The following TTC7A variants were observed in gnomAD, a reference collection of about 807,000 sequenced individuals.
TTC7A encodes the protein tetratricopeptide repeat protein 7A.
TTC7A carries 110 observed loss-of-function variants against 103.7 expected under a neutral mutation model. That is an observed-to-expected ratio of 1.06 (90% CI 0.91 to 1.24). The LOEUF (loss-of-function observed/expected upper bound fraction) is 1.24, where lower values mean the gene tolerates loss of function less well. Ranked by LOEUF, TTC7A falls within the 50% of genes most tolerant of loss-of-function variation. The pLI, the probability that TTC7A is intolerant of heterozygous loss-of-function variation, is 0.00. For missense variants in TTC7A, 1,340 were observed against 1,116.3 expected, an observed-to-expected ratio of 1.20 and a Z score of -2.86; for synonymous variants, 521 against 467.9, an observed-to-expected ratio of 1.11 and a Z score of -1.47.
chr2:47,018,161 C>G (rs1291963754), intron 11 of TTC7A, among the ~76,000 whole-genome samples: 2 of 151,626 alleles, frequency 1.3e-5, no homozygotes, highest in African/African-American at 4.9e-5. Context: ...CTGGTAATCC[C>G]AGCTACTCAG....
intron 19 of TTC7A, 91 bp from the exon 20 acceptor site, chr2:47,073,611 C>T (rs562148078): frequency 1.8e-6 from 2 of 1,092,100 alleles, no homozygotes; most frequent in Non-Finnish European, 1.4e-6. Flanking sequence ...CTGATGGCTG[C>T]TGCCACCCGT....
intron 11 of TTC7A, among the ~76,000 whole-genome samples, chr2:47,017,331 A>G (rs902054880): frequency 4.0e-5 from 6 of 151,638 alleles, no homozygotes; most frequent in African/African-American, 1.5e-4. Flanking sequence ...CCTGGACCAC[A>G]TAGTGAGACC....
chr2:47,051,956 A>C, intron 18 of TTC7A, 76 bp downstream of exon 18: 3 of 1,510,522 alleles, frequency 2.0e-6, no homozygotes, highest in Non-Finnish European at 2.7e-6. Flanking sequence ...GTCCTGGAGA[A>C]GGGAGTGTGG....
chr2:47,009,678 T>A (rs1677815653), intron 10 of TTC7A, among the ~76,000 whole-genome samples: 1 of 152,028 alleles, frequency 6.6e-6, no homozygotes. Flanking sequence ...TCCGTTTCCT[T>A]CTGTACCTCC....
At chr2:46,953,673 T>C (rs985931950) in intron 2 of TTC7A, among the ~76,000 whole-genome samples, 2 of 152,178 alleles carry the variant, frequency 1.3e-5, no homozygotes, top group African/African-American at 2.4e-5. Flanking sequence ...CCAGCTCAGT[T>C]GTGTGGAGAT....
At chr2:46,985,684 C>A (rs1674943525) in intron 5 of TTC7A, among the ~76,000 whole-genome samples, 2 of 152,236 alleles carry the variant, frequency 1.3e-5, no homozygotes, top group South Asian at 4.1e-4. Flanking sequence ...GAAGCTGGGT[C>A]TGTCCAGCCC....
At chr2:46,965,230 T>C (rs1283533959) in intron 3 of TTC7A, among the ~76,000 whole-genome samples, 1 of 152,212 alleles carries the variant, frequency 6.6e-6, no homozygotes, top group Non-Finnish European at 1.5e-5. Flanking sequence ...TGTGGCTGAT[T>C]AAAACTTTTT....
chr2:46,954,823 G>A (rs571884240), intron 2 of TTC7A, among the ~76,000 whole-genome samples: 1 of 152,120 alleles, frequency 6.6e-6, no homozygotes, highest in Admixed American at 6.5e-5. Context: ...TGCCTGCCTC[G>A]ACCTCCCAAA....
chr2:46,946,046 T>G (rs552200627), intron 1 of TTC7A, among the ~76,000 whole-genome samples: 1 of 152,314 alleles, frequency 6.6e-6, no homozygotes, highest in African/African-American at 2.4e-5. Context: ...TTGAAGGGTA[T>G]TCCTGTGACC....
At chr2:46,922,744 G>A (rs914449678) in intron 2 of TTC7A, among the ~76,000 whole-genome samples, 2 of 151,990 alleles carry the variant, frequency 1.3e-5, no homozygotes, top group Non-Finnish European at 2.9e-5. Context: ...GAGGGGCGGG[G>A]GGCTCTTCCC....
chr2:46,978,853 CCTA>C lies in TTC7A; in HGVS notation c.713_715del (p.Tyr238del). The C allele has an allele frequency of 6.2e-7, 1 of 1,614,108 alleles. No individual in the cohort carries two copies. The highest frequency in any genetic ancestry group is 8.5e-7 in the Non-Finnish European group (1 of 1,180,002). The stretch of plus-strand genomic sequence containing the variant: ...TGTCACCCGCTTGACTATGAGCTCA[CCTA>C]CTTCCTGGAAGCTGCCCTCCAGAGC... On this transcript the variant is annotated inframe_deletion, in exon 5 of 20. Transcript: ENST00000319190.
intron 15 of TTC7A, among the ~76,000 whole-genome samples, chr2:47,043,056 G>T (rs766767260): frequency 1.3e-5 from 2 of 152,218 alleles, no homozygotes; most frequent in Non-Finnish European, 2.9e-5. Context: ...AGTCCTGACG[G>T]CATGCCAGGG....
Position 46,941,419 on chromosome 2 carries a change from C to T in TTC7A, c.-123C>T. ...CGCCGCCCGGGCCCCCGCTGCCGCC[C>T]GGGCCCCGGCTGCCGTCTGCGCCCC... is the stretch of plus-strand genomic sequence containing the variant. On this transcript the variant is annotated 5_prime_UTR_variant, in exon 1 of 20. Transcript: ENST00000319190. This position sits in a 1 kb window ranked among gnomAD's most constrained non-coding sequence, Gnocchi z 4.2. 2.9e-6 allele frequency: 3 copies of T among 1,017,646 alleles called. No individual in the cohort carries two copies. The highest frequency in any genetic ancestry group is 2.5e-6 in the Non-Finnish European group (2 of 800,168). 63.0% of individuals were successfully genotyped at this position (1,017,646 alleles called of 1,614,324 possible).
At chr2:46,997,125 C>T (rs998636675) in intron 8 of TTC7A, among the ~76,000 whole-genome samples, 6 of 152,044 alleles carry the variant, frequency 3.9e-5, no homozygotes, top group Non-Finnish European at 5.9e-5. Context: ...ATTACAGGTG[C>T]GCGCCACCAC....
chr2:47,042,503 T>TAA (rs11315139), intron 15 of TTC7A, among the ~76,000 whole-genome samples: 1 of 149,838 alleles, frequency 6.7e-6, no homozygotes, highest in Non-Finnish European at 1.5e-5. Flanking sequence ...CTTGTCTCTT[T>TAA]AAAAAAAAAA....
At position 47,024,309 on chromosome 2, in the gene TTC7A, G is replaced by A; in HGVS notation, c.1591G>A (p.Asp531Asn). Residue 531 changes from aspartate to asparagine, a missense_variant, in exon 14 of 20, where the codon GAC (aspartate) becomes AAC (asparagine). Transcript: ENST00000319190. Reference sequence around the variant, plus strand: ...CAGGGCTCAGCAGCTGGCGCCCAGTGACCCCCAGGTCATCCTCTATGTCTC... The same window carrying A: ...CAGGGCTCAGCAGCTGGCGCCCAGTAACCCCCAGGTCATCCTCTATGTCTC... ...LERAQQLAPS[D>N]PQVILYVSLQ... The A allele has an allele frequency of 6.2e-7, 1 of 1,607,664 alleles. No individual in the cohort carries two copies. The highest frequency in any genetic ancestry group is 8.5e-7 in the Non-Finnish European group (1 of 1,176,708).
chr2:46,979,133 G>A (rs1674174989), intron 5 of TTC7A, among the ~76,000 whole-genome samples: 1 of 152,184 alleles, frequency 6.6e-6, no homozygotes, highest in East Asian at 1.9e-4. Context: ...TAAAGCCTGT[G>A]TGTGCTTGGG....
At chr2:47,022,245 C>T (rs1679374229) in intron 12 of TTC7A, among the ~76,000 whole-genome samples, 1 of 152,206 alleles carries the variant, frequency 6.6e-6, no homozygotes, top group Non-Finnish European at 1.5e-5. Context: ...CCTCAAGGCC[C>T]AGCCACAGCT....
chr2:46,947,977 G>T (rs6544941), intron 1 of TTC7A, among the ~76,000 whole-genome samples: 4 of 152,020 alleles, frequency 2.6e-5, no homozygotes, highest in Non-Finnish European at 5.9e-5. Flanking sequence ...CCAAAGGGGC[G>T]TGCTCTGGGG....
Sources: allele counts gnomAD v4.1 joint callset (sites outside exome capture counted in the v4.1 genomes callset), GRCh38; gene constraint gnomAD v4.1.1; non-coding constraint Gnocchi (gnomAD v3.1); transcripts MANE v1.5; gene names NCBI Gene and HGNC (gene_info 2026-07-23, HGNC 2026-07-21).